GPC4: variants seen among roughly 807,000 people sequenced by gnomAD.
The protein encoded by GPC4 is glypican 4.
GPC4 carries 10 observed loss-of-function variants against 35.0 expected under a neutral mutation model. The ratio of observed to expected loss-of-function variants is 0.29; its 90% CI spans 0.18 to 0.48. The LOEUF is 0.48. GPC4 is among the 20% of genes least tolerant of loss of function. The pLI, the probability that GPC4 is intolerant of heterozygous loss-of-function variation, is 0.99. For synonymous variants in GPC4, 167 were observed against 170.2 expected (o/e 0.98, Z 0.15); for missense variants, 322 against 451.3 (o/e 0.71, Z 2.60).
Position 133,301,691 on chromosome X carries a change from A to G in GPC4, c.*1176T>C, listed in dbSNP as rs1419712548. The G allele has an allele frequency of 8.9e-6, 1 of 112,481 alleles. No homozygotes were observed. The highest frequency in any genetic ancestry group is 1.9e-5 in the Non-Finnish European group (1 of 53,330). The allele number at this position is 112,481 out of a possible 1,213,427, so 9.3% of individuals were successfully genotyped here. A position where few individuals can be genotyped will look rare whatever the true frequency, so the allele number is the denominator to read the frequency against. On this transcript the variant is annotated 3_prime_UTR_variant, in exon 9 of 9. Transcript: ENST00000370828. ...CCATGGCAAGTCCTTTGTTTTACTG[A>G]TAAGAGGGGGCTAGGTAAGAAAAAG...
chrX:133,413,456 A>G (rs1290301832), intron 1 of GPC4, among the ~76,000 whole-genome samples: 1 of 112,247 alleles, frequency 8.9e-6, no homozygotes, highest in Admixed American at 9.4e-5. Flanking sequence ...GGTTATTAAT[A>G]GCCCTTCCAA....
At chrX:133,400,928 G>A (rs1194645793) in intron 1 of GPC4, among the ~76,000 whole-genome samples, 1 of 97,266 alleles carries the variant, frequency 1.0e-5, no homozygotes, top group Non-Finnish European at 2.1e-5. Context: ...GGGGGTGGGA[G>A]TATCCTATTT....
At chrX:133,318,487 T>C (rs2068349171) in intron 3 of GPC4, among the ~76,000 whole-genome samples, 1 of 111,068 alleles carries the variant, frequency 9.0e-6, no homozygotes, top group Admixed American at 9.6e-5. Flanking sequence ...GCAATGAAAA[T>C]TGTTTTCAAG....
At chrX:133,367,732 G>C (rs12855639) in intron 1 of GPC4, among the ~76,000 whole-genome samples, 2 of 111,843 alleles carry the variant, frequency 1.8e-5, no homozygotes, top group South Asian at 7.6e-4. Context: ...CCTGGGCATA[G>C]TGGTGCCTGC....
chrX:133,361,686 T>C (rs2068568802), intron 1 of GPC4, among the ~76,000 whole-genome samples: 1 of 111,661 alleles, frequency 9.0e-6, no homozygotes, highest in South Asian at 3.7e-4. Flanking sequence ...ATGTGTAAAG[T>C]GCTCCAGGGA....
At chrX:133,340,124 C>T (rs1308971679) in intron 1 of GPC4, among the ~76,000 whole-genome samples, 1 of 110,688 alleles carries the variant, frequency 9.0e-6, no homozygotes, top group African/African-American at 3.3e-5. Context: ...CCACAGCAAC[C>T]CAACCCACGA....
chrX:133,373,388 GACACAC>G (rs745387266), intron 1 of GPC4, among the ~76,000 whole-genome samples: 4 of 107,113 alleles, frequency 3.7e-5, no homozygotes, highest in South Asian at 4.0e-4. Flanking sequence ...GGTTATTGAA[GACACAC>G]ACACACACAC....
At chrX:133,313,787 T>C (rs2068326077) in intron 3 of GPC4, among the ~76,000 whole-genome samples, 1 of 112,349 alleles carries the variant, frequency 8.9e-6, no homozygotes, top group Non-Finnish European at 1.9e-5. Flanking sequence ...CAAGCATTTG[T>C]GATGAAAAGA....
chrX:133,303,618 A>G lies in GPC4; in HGVS notation c.1293-277T>C, dbSNP rs1332583106. On this transcript the variant is annotated intron_variant, in intron 7 of 8. Coordinates refer to ENST00000370828, the MANE Select transcript of GPC4 (RefSeq NM_001448.3). ...AGCTATCACAGCACTTTTGGAGGCTAAGGTGGGTGGATCACTTGAGGTCAG... is the reference window on the plus strand; with the variant it reads ...AGCTATCACAGCACTTTTGGAGGCTGAGGTGGGTGGATCACTTGAGGTCAG... Among the ~76,000 whole-genome samples the G allele has an allele frequency of 3.2e-4, 36 of 110,998 alleles. 1 individual carries two copies. The highest frequency in any genetic ancestry group is 1.2e-3 in the African/African-American group (36 of 30,503).
chrX:133,387,671 A>G (rs1027865955), intron 1 of GPC4, among the ~76,000 whole-genome samples: 8 of 112,186 alleles, frequency 7.1e-5, no homozygotes, highest in Non-Finnish European at 9.4e-5. Context: ...GATAAACCCA[A>G]TAAGTCTATC....
intron 3 of GPC4, 125 bp from the exon 4 acceptor site, chrX:133,311,548 T>G: frequency 1.6e-6 from 1 of 641,605 alleles, no homozygotes; most frequent in Non-Finnish European, 2.5e-6. Context: ...TGATCACAAT[T>G]AGTAAGCCTG....
intron 1 of GPC4, among the ~76,000 whole-genome samples, chrX:133,345,207 G>T (rs2068487372): frequency 8.9e-6 from 1 of 112,099 alleles, no homozygotes; most frequent in Non-Finnish European, 1.9e-5. Context: ...AGCTCTACAT[G>T]ATTGGGAAGC....
chrX:133,303,514 CT>C (rs942575885), intron 7 of GPC4, among the ~76,000 whole-genome samples, 173 bp from the exon 8 acceptor site: 1 of 111,989 alleles, frequency 8.9e-6, no homozygotes, highest in African/African-American at 3.2e-5. Context: ...GATGGAAGTT[CT>C]TTAATTCCTA....
intron 1 of GPC4, among the ~76,000 whole-genome samples, chrX:133,379,918 A>G (rs1347651464): frequency 8.9e-6 from 1 of 111,739 alleles, no homozygotes; most frequent in East Asian, 2.8e-4. Flanking sequence ...CAATAACAGA[A>G]TAACATGAAA....
chrX:133,352,754 C>T lies in GPC4; in HGVS notation c.161-13413G>A, dbSNP rs148692207. Among the ~76,000 whole-genome samples, 752 of 111,147 alleles carry T rather than the reference C, an allele frequency of 6.8e-3. 5 individuals are homozygous for T. The highest frequency in any genetic ancestry group is 0.014 in the Middle Eastern group (3 of 216). Reference sequence around the variant, plus strand: ...AGATACCACCCAGTGCCTCTCCACACACTAGGAATAATCCCTGTTTTTTTC... The same window carrying T: ...AGATACCACCCAGTGCCTCTCCACATACTAGGAATAATCCCTGTTTTTTTC... On this transcript the variant is annotated intron_variant, in intron 1 of 8. Coordinates refer to ENST00000370828, the MANE Select transcript of GPC4 (RefSeq NM_001448.3).
intron 3 of GPC4, among the ~76,000 whole-genome samples, chrX:133,320,161 C>T (rs917822424): frequency 1.8e-5 from 2 of 111,750 alleles, no homozygotes; most frequent in Non-Finnish European, 3.8e-5. Flanking sequence ...TTATTTTCAG[C>T]TAAACAATTG....
chrX:133,331,468 T>C (rs997011822), intron 2 of GPC4, among the ~76,000 whole-genome samples: 1 of 111,655 alleles, frequency 9.0e-6, no homozygotes, highest in African/African-American at 3.3e-5. Context: ...CTGTTAATAA[T>C]CTAATGTCAA....
At chrX:133,371,610 G>C (rs1400886604) in intron 1 of GPC4, among the ~76,000 whole-genome samples, 1 of 111,186 alleles carries the variant, frequency 9.0e-6, no homozygotes, top group East Asian at 2.8e-4. Flanking sequence ...TATAAATAAA[G>C]CCATCTTTAT....
chrX:133,373,256 A>G (rs1285326384), intron 1 of GPC4, among the ~76,000 whole-genome samples: 3 of 111,761 alleles, frequency 2.7e-5, no homozygotes, highest in African/African-American at 9.7e-5. Flanking sequence ...CGAACATACA[A>G]CACAAGAAAC....
Sources: allele counts gnomAD v4.1 joint callset (sites outside exome capture counted in the v4.1 genomes callset), GRCh38; gene constraint gnomAD v4.1.1; transcripts MANE v1.5; gene names NCBI Gene and HGNC (gene_info 2026-07-23, HGNC 2026-07-21).